The following TDRD10 variants were observed in gnomAD, a reference collection of about 807,000 sequenced individuals.
TDRD10 encodes the protein tudor domain containing 10.
Under a neutral mutation model 48.0 loss-of-function variants are expected in TDRD10, and 40 were observed. The ratio of observed to expected loss-of-function variants is 0.83; its 90% confidence interval spans 0.65 to 1.09. The LOEUF (loss-of-function observed/expected upper bound fraction) is 1.09. TDRD10 is among the 50% of genes least tolerant of loss of function. The pLI is 0.00. For synonymous variants in TDRD10, 162 were observed against 170.4 expected (o/e 0.95, Z 0.38); for missense variants, 378 against 434.7 (o/e 0.87, Z 1.16).
chr1:154,546,950 G>A (rs1695626632), intron 11 of TDRD10, among the ~76,000 whole-genome samples: 2 of 152,154 alleles, frequency 1.3e-5, no homozygotes, highest in Admixed American at 6.5e-5. Context: ...GATGGTGGGA[G>A]TTGCGTGAGG....
chr1:154,508,953 ACTGT>A (rs1383323609), intron 4 of TDRD10, among the ~76,000 whole-genome samples: 1 of 152,168 alleles, frequency 6.6e-6, no homozygotes, highest in Non-Finnish European at 1.5e-5. Flanking sequence ...CAGGCACCTT[ACTGT>A]CTATTTGGAG....
Position 154,543,916 on chromosome 1 carries a change from C to T in TDRD10, c.504-47C>T, listed in dbSNP as rs142719065. On this transcript the variant is annotated intron_variant, in intron 8 of 12. Transcript: ENST00000368482. ...GTTGGTCCAGTCGTTCCTTTCCTTG[C>T]GTTGGTCCAGTCGTTCCTTTCCTTG... 9.3e-4 allele frequency: 1,498 copies of T among 1,607,102 alleles called. 8 individuals carry two copies. The East Asian group carries it at 0.014, about 15-fold the overall frequency.
chr1:154,548,052 A>G lies in TDRD10; in HGVS notation c.*342A>G. 1 of 345,440 alleles carries G rather than the reference A, an allele frequency of 2.9e-6. No homozygotes were observed. Among genetic ancestry groups the G allele is most frequent in the Non-Finnish European group, 5.3e-6 (1 of 189,250 alleles). The allele number at this position is 345,440 out of a possible 1,614,324, so 21.4% of individuals were successfully genotyped here. ...TAAGTGGTCCTAACAGATTCTGGAT[A>G]ATGGAGAAGCCCTCTGCTGGTTTTC... On this transcript the variant is annotated 3_prime_UTR_variant, in exon 13 of 13. Transcript: ENST00000368482.
chr1:154,527,350 A>C (rs1694371253), intron 6 of TDRD10, among the ~76,000 whole-genome samples: 2 of 152,244 alleles, frequency 1.3e-5, no homozygotes, highest in Admixed American at 1.3e-4. Context: ...TCGTACACAG[A>C]AACTATTATT....
intron 4 of TDRD10, among the ~76,000 whole-genome samples, chr1:154,512,988 A>T (rs1036160721): frequency 2.0e-5 from 3 of 152,116 alleles, no homozygotes; most frequent in African/African-American, 7.2e-5. Context: ...TGGCCGGGAG[A>T]GATGTTATGA....
In TDRD10 at chr1:154,548,102, G is replaced by A. The variant is rs1166787518; in HGVS notation, c.*392G>A. The A allele has an allele frequency of 8.1e-6, 2 of 245,666 alleles. No individual in the cohort carries two copies. Among genetic ancestry groups the A allele is most frequent in the African/African-American group, 2.3e-5 (1 of 44,104 alleles). The allele number at this position is 245,666 out of a possible 1,614,324, so 15.2% of individuals were successfully genotyped here. A position where few individuals can be genotyped will look rare whatever the true frequency, so the allele number is the denominator to read the frequency against. On this transcript the variant is annotated 3_prime_UTR_variant, in exon 13 of 13. Coordinates refer to ENST00000368482, the MANE Select transcript of TDRD10 (RefSeq NM_182499.4). ...CCTGGCATTCCATGTAGAATAGGTA[G>A]AGAATATTTAACCAATGAGCAAATA... is the stretch of plus-strand genomic sequence containing the variant.
chr1:154,511,585 C>T (rs1362592397), intron 4 of TDRD10, among the ~76,000 whole-genome samples: 1 of 152,022 alleles, frequency 6.6e-6, no homozygotes, highest in Non-Finnish European at 1.5e-5. Flanking sequence ...TGCAGTGGCT[C>T]ACACCTGTAA....
chr1:154,516,259 G>A (rs1284743339), intron 4 of TDRD10, among the ~76,000 whole-genome samples: 1 of 152,182 alleles, frequency 6.6e-6, no homozygotes, highest in Admixed American at 6.5e-5. Flanking sequence ...GGCGTTATGT[G>A]TAATAAGTAT....
intron 4 of TDRD10, among the ~76,000 whole-genome samples, chr1:154,518,660 AC>A (rs1693895857): frequency 6.6e-6 from 1 of 151,994 alleles, no homozygotes; most frequent in Non-Finnish European, 1.5e-5. Context: ...CTATCTCCTG[AC>A]CTCGTGATCT....
intron 10 of TDRD10, 45 bp downstream of exon 10, chr1:154,544,562 G>C (rs1315882582): frequency 6.3e-7 from 1 of 1,587,712 alleles, no homozygotes; most frequent in Non-Finnish European, 8.6e-7. Flanking sequence ...AGGCGTGCAG[G>C]GAAAATGCTC....
chr1:154,535,899 C>A (rs963358196), intron 6 of TDRD10, among the ~76,000 whole-genome samples: 3 of 152,142 alleles, frequency 2.0e-5, no homozygotes, highest in African/African-American at 7.2e-5. Flanking sequence ...AGTTGCTGTG[C>A]AGCAGGCAGT....
At position 154,512,322 on chromosome 1, in the gene TDRD10, T is replaced by A. The variant is rs1354123931; in HGVS notation, c.141+3841T>A. Reference sequence around the variant, plus strand: ...TGTGTTAGAGTGTGTCTTAGTACTTTGTTCCTTTTTTGTTGTTGTTGTTGT... The same window carrying A: ...TGTGTTAGAGTGTGTCTTAGTACTTAGTTCCTTTTTTGTTGTTGTTGTTGT... On this transcript the variant is annotated intron_variant, in intron 4 of 12. Coordinates refer to ENST00000368482, the MANE Select transcript of TDRD10 (RefSeq NM_182499.4). 3.9e-5 allele frequency among the ~76,000 whole-genome samples: 6 copies of A among 152,134 alleles called. No individual in the cohort carries two copies. In the East Asian group the frequency reaches 1.2e-3, roughly 29 times the overall value.
intron 4 of TDRD10, among the ~76,000 whole-genome samples, chr1:154,509,095 C>CTTTTTTTTT (rs59771172): frequency 7.9e-6 from 1 of 127,230 alleles, no homozygotes; most frequent in Non-Finnish European, 1.6e-5. Context: ...CACCTCCTGA[C>CTTTTTTTTT]TTTTTTTTTT....
intron 6 of TDRD10, among the ~76,000 whole-genome samples, chr1:154,539,530 C>T (rs1404769907): frequency 1.3e-5 from 2 of 152,200 alleles, no homozygotes; most frequent in Admixed American, 6.5e-5. Flanking sequence ...TCAGGCTGGT[C>T]TTGAACTCCT....
chr1:154,546,266 G>T lies in TDRD10; in HGVS notation c.953-1143G>T, dbSNP rs1407224571. Among the ~76,000 whole-genome samples, 3 of 148,136 alleles carry T rather than the reference G, an allele frequency of 2.0e-5. No individual in the cohort carries two copies. In the East Asian group the frequency reaches 5.9e-4, roughly 29 times the overall value. On this transcript the variant is annotated intron_variant, in intron 11 of 12. Transcript: ENST00000368482. ...TTTTTATATTTTTAATAGTGACGGG[G>T]TTTCACTGTGTTGGTCAGGCTGGTC... is the stretch of plus-strand genomic sequence containing the variant.
chr1:154,544,196 T>C, intron 9 of TDRD10, 86 bp downstream of exon 9: 2 of 1,593,914 alleles, frequency 1.3e-6, no homozygotes, highest in Non-Finnish European at 1.7e-6. Context: ...GGCCGGTCAG[T>C]GGTGGAGATG....
intron 4 of TDRD10, among the ~76,000 whole-genome samples, chr1:154,514,063 G>A (rs1693622214): frequency 6.6e-6 from 1 of 152,204 alleles, no homozygotes; most frequent in African/African-American, 2.4e-5. Flanking sequence ...GGTGGCGGGT[G>A]CCTGTAATCC....
intron 10 of TDRD10, 137 bp from the exon 11 acceptor site, chr1:154,544,657 CT>C: frequency 6.8e-7 from 1 of 1,469,508 alleles, no homozygotes; most frequent in African/African-American, 1.4e-5. Flanking sequence ...TATTTCCTCA[CT>C]CAAGGATTGG....
At chr1:154,519,849 A>T (rs1443490826) in intron 4 of TDRD10, among the ~76,000 whole-genome samples, 1 of 151,918 alleles carries the variant, frequency 6.6e-6, no homozygotes, top group African/African-American at 2.4e-5. Context: ...AGACTAGGAG[A>T]GGAGAAGGGT....
Sources: gnomAD v4.1 joint callset for allele counts (sites outside exome capture counted in the v4.1 genomes callset) on GRCh38, gnomAD v4.1.1 for gene constraint, MANE v1.5 for transcripts, NCBI Gene and HGNC (gene_info 2026-07-23, HGNC 2026-07-21) for gene names.